FANCC: variants seen among roughly 807,000 people sequenced by gnomAD.
The protein encoded by FANCC is FA complementation group C, also known as Fanconi anemia group C protein.
Under a neutral mutation model 71.3 loss-of-function variants are expected in FANCC, and 55 were observed. The ratio of observed to expected loss-of-function variants is 0.77; its 90% CI spans 0.62 to 0.97. FANCC has a LOEUF of 0.97. Ranked by LOEUF, FANCC falls within the 50% of genes least tolerant of loss-of-function variation. The probability of loss-of-function intolerance (pLI) is 0.00; values close to 1 mark genes in which losing one functional copy is unlikely to be tolerated. For missense variants in FANCC, 678 were observed against 670.9 expected (o/e 1.01, Z -0.12); for synonymous variants, 275 against 244.9 (o/e 1.12, Z -1.15).
chr9:95,254,409 T>C (rs1831531754), intron 1 of FANCC, among the ~76,000 whole-genome samples: 1 of 152,054 alleles, frequency 6.6e-6, no homozygotes, highest in South Asian at 2.1e-4. Flanking sequence ...GGTTAGACAG[T>C]GGGAGCAGCC....
intron 12 of FANCC, 21 bp from the exon 13 acceptor site, chr9:95,111,658 A>G (rs199773201): frequency 3.7e-6 from 6 of 1,614,056 alleles, no homozygotes; most frequent in East Asian, 2.2e-5. Flanking sequence ...GGCAGAACAC[A>G]TGGCAGTTGA....
intron 1 of FANCC, chr9:95,292,568 G>C: frequency 6.8e-7 from 1 of 1,481,196 alleles, no homozygotes; most frequent in Non-Finnish European, 9.3e-7. Context: ...AGCTGTCCCA[G>C]ACCACATGGC....
intron 4 of FANCC, among the ~76,000 whole-genome samples, chr9:95,189,803 T>C (rs368192320): frequency 4.6e-5 from 7 of 152,202 alleles, no homozygotes; most frequent in African/African-American, 1.7e-4. Flanking sequence ...GTACTTGCTG[T>C]GTAAAACCTT....
At chr9:95,292,982 C>T in intron 1 of FANCC, 1 of 1,578,406 alleles carries the variant, frequency 6.3e-7, no homozygotes, top group South Asian at 1.1e-5. Context: ...GCCACGAGAT[C>T]CCTGCAGAAC....
intron 4 of FANCC, among the ~76,000 whole-genome samples, chr9:95,219,316 C>T (rs1475520377): frequency 1.3e-5 from 2 of 152,060 alleles, no homozygotes; most frequent in African/African-American, 2.4e-5. Context: ...ATGTATACAG[C>T]GGAATTGGAA....
chr9:95,171,522 T>C (rs1269451842), intron 5 of FANCC, among the ~76,000 whole-genome samples: 1 of 152,088 alleles, frequency 6.6e-6, no homozygotes, highest in Non-Finnish European at 1.5e-5. Flanking sequence ...TAACAAACAT[T>C]AAAAAATCTC....
intron 8 of FANCC, among the ~76,000 whole-genome samples, chr9:95,131,228 T>C (rs993310524): frequency 6.6e-6 from 1 of 152,216 alleles, no homozygotes; most frequent in Admixed American, 6.5e-5. Flanking sequence ...TTCTCTGTGT[T>C]TGGACACAGA....
chr9:95,127,318 C>T (rs1826147760), intron 8 of FANCC: 1 of 152,306 alleles, frequency 6.6e-6, no homozygotes, highest in Non-Finnish European at 1.5e-5. Context: ...GATGAAAATG[C>T]CCATTTGTGT....
chr9:95,104,519 A>G (rs3780561), intron 14 of FANCC, among the ~76,000 whole-genome samples: 74,099 of 152,042 alleles, frequency 0.49, 18,617 homozygotes, highest in East Asian at 0.64. Context: ...GGACTGCCCC[A>G]CACAGGATGC....
intron 7 of FANCC, among the ~76,000 whole-genome samples, chr9:95,140,128 T>C (rs1828418272): frequency 6.6e-6 from 1 of 152,116 alleles, no homozygotes; most frequent in African/African-American, 2.4e-5. Flanking sequence ...AGTTATGTTT[T>C]AGGAAATGGG....
chr9:95,169,064 T>G (rs1825492812), intron 6 of FANCC, among the ~76,000 whole-genome samples: 2 of 152,192 alleles, frequency 1.3e-5, no homozygotes. Flanking sequence ...CCAAGAGCAC[T>G]GGGGCTGGCA....
At chr9:95,189,909 T>C (rs1171483910) in intron 4 of FANCC, among the ~76,000 whole-genome samples, 1 of 152,164 alleles carries the variant, frequency 6.6e-6, no homozygotes, top group Non-Finnish European at 1.5e-5. Flanking sequence ...CAGCGTTGGC[T>C]TGGATTTCTG....
intron 6 of FANCC, among the ~76,000 whole-genome samples, chr9:95,168,449 T>C (rs1278535023): frequency 6.6e-6 from 1 of 152,266 alleles, no homozygotes; most frequent in Non-Finnish European, 1.5e-5. Flanking sequence ...GTTTTACTTT[T>C]TGTAGTTTGA....
chr9:95,222,884 C>T (rs1193441945), intron 4 of FANCC, among the ~76,000 whole-genome samples: 1 of 152,066 alleles, frequency 6.6e-6, no homozygotes, highest in Non-Finnish European at 1.5e-5. Context: ...ATGTTATATG[C>T]ATTTTTCACA....
intron 4 of FANCC, among the ~76,000 whole-genome samples, chr9:95,230,791 T>G (rs1829959574): frequency 6.6e-6 from 1 of 152,060 alleles, no homozygotes; most frequent in Admixed American, 6.5e-5. Flanking sequence ...GTGGCCAGCT[T>G]TTATTCCCTT....
intron 1 of FANCC, among the ~76,000 whole-genome samples, chr9:95,311,926 A>G (rs991177780): frequency 6.6e-6 from 1 of 152,224 alleles, no homozygotes; most frequent in Non-Finnish European, 1.5e-5. Flanking sequence ...CTGAAAAATG[A>G]AAAACAGGGG....
At chr9:95,308,415 C>A (rs1835187682) in intron 1 of FANCC, among the ~76,000 whole-genome samples, 1 of 151,366 alleles carries the variant, frequency 6.6e-6, no homozygotes. Context: ...TCCCAAGTAG[C>A]TGGGATTACA....
intron 1 of FANCC, chr9:95,294,764 T>C (rs1181503109): frequency 6.9e-6 from 11 of 1,584,966 alleles, no homozygotes; most frequent in East Asian, 2.2e-5. Context: ...TTCAGCTCTG[T>C]AGAAACCCAG....
At chr9:95,256,791 T>A (rs775782841) in intron 1 of FANCC, among the ~76,000 whole-genome samples, 1 of 151,462 alleles carries the variant, frequency 6.6e-6, no homozygotes, top group Non-Finnish European at 1.5e-5. Context: ...AGGAGACCCA[T>A]CTCACGTGCA....
Sources: allele counts gnomAD v4.1 joint callset (sites outside exome capture counted in the v4.1 genomes callset), GRCh38; gene constraint gnomAD v4.1.1; transcripts MANE v1.5; gene names NCBI Gene and HGNC (gene_info 2026-07-23, HGNC 2026-07-21).